Variants in DAB2IP observed in about 807,000 individuals in gnomAD.
DAB2IP encodes the protein disabled homolog 2-interacting protein.
DAB2IP carries 28 observed loss-of-function variants against 107.2 expected under a neutral mutation model. The observed-to-expected ratio is 0.26, with a 90% confidence interval of 0.19 to 0.36. The LOEUF is 0.36. Among genes scored for constraint, DAB2IP ranks in the 10% least tolerant of loss-of-function variants. The pLI, the probability that DAB2IP is intolerant of heterozygous loss-of-function variation, is 1.00. For missense variants in DAB2IP, 1,400 were observed against 1,644.7 expected (o/e 0.85, Z 2.57); for synonymous variants, 755 against 706.4 (o/e 1.07, Z -1.09).
At chr9:121,721,525 A>T (rs1177616845) in intron 3 of DAB2IP, among the ~76,000 whole-genome samples, 1 of 152,140 alleles carries the variant, frequency 6.6e-6, no homozygotes, top group African/African-American at 2.4e-5. Flanking sequence ...GTCCATCTGG[A>T]GAGTACATGT....
intron 1 of DAB2IP, among the ~76,000 whole-genome samples, chr9:121,657,112 C>T (rs1002798703): frequency 4.6e-5 from 7 of 152,204 alleles, no homozygotes; most frequent in African/African-American, 1.7e-4. Context: ...CCGGCCTGCC[C>T]CTGCCCCCTG....
At chr9:121,582,894 C>A (rs1327338869) in intron 1 of DAB2IP, among the ~76,000 whole-genome samples, 1 of 152,212 alleles carries the variant, frequency 6.6e-6, no homozygotes, top group Non-Finnish European at 1.5e-5. Flanking sequence ...CAATGGTGGC[C>A]ACAGTCACTG....
At chr9:121,732,379 C>T (rs1298685528) in intron 3 of DAB2IP, among the ~76,000 whole-genome samples, 2 of 152,100 alleles carry the variant, frequency 1.3e-5, no homozygotes, top group Non-Finnish European at 2.9e-5. Flanking sequence ...AGAAAAGGTT[C>T]CAGGATTCTC....
intron 1 of DAB2IP, among the ~76,000 whole-genome samples, chr9:121,627,945 C>T (rs1341386385): frequency 6.6e-6 from 1 of 152,212 alleles, no homozygotes; most frequent in Non-Finnish European, 1.5e-5. Context: ...GCCACCCCTC[C>T]GTGGGGGTTC....
At chr9:121,785,495 A>G (rs1045162266) in exon 16 of DAB2IP, 1 of 152,686 alleles carries the variant, frequency 6.5e-6, no homozygotes, top group African/African-American at 2.4e-5. Context: ...GTACATTTGC[A>G]ATTAGAAATA....
chr9:121,621,989 T>TC (rs1564116819), intron 1 of DAB2IP, among the ~76,000 whole-genome samples: 7 of 132,922 alleles, frequency 5.3e-5, no homozygotes, highest in African/African-American at 1.7e-4. Flanking sequence ...TCTTTCTTTT[T>TC]TTTTTTTTTT....
intron 2 of DAB2IP, among the ~76,000 whole-genome samples, chr9:121,690,911 A>G (rs1311376228): frequency 6.6e-6 from 1 of 151,984 alleles, no homozygotes; most frequent in East Asian, 1.9e-4. Context: ...CCGCTGTCCT[A>G]CCTCTACACC....
chr9:121,669,655 G>C lies in DAB2IP; in HGVS notation c.125-9023G>C, dbSNP rs1833595015. ...GAGGCTGGCATTGGGGGCTAAAGCTGTGACTGGTAAAGTAGCAGCAGTCAC... is the reference window on the plus strand; with the variant it reads ...GAGGCTGGCATTGGGGGCTAAAGCTCTGACTGGTAAAGTAGCAGCAGTCAC... On this transcript the variant is annotated intron_variant, in intron 1 of 15. Coordinates refer to ENST00000408936, the Ensembl canonical transcript of DAB2IP. Among the ~76,000 whole-genome samples the C allele has an allele frequency of 1.3e-5, 2 of 152,200 alleles. 1 individual carries two copies. The highest frequency in any genetic ancestry group is 4.1e-4 in the South Asian group (2 of 4,824).
intron 1 of DAB2IP, among the ~76,000 whole-genome samples, chr9:121,585,229 C>A (rs1478990256): frequency 2.6e-5 from 4 of 152,154 alleles, no homozygotes; most frequent in African/African-American, 9.7e-5. Flanking sequence ...GGCGAGGGGT[C>A]AATGAGAGCA....
intron 3 of DAB2IP, among the ~76,000 whole-genome samples, chr9:121,743,617 C>T (rs1241773613): frequency 6.6e-6 from 1 of 152,108 alleles, no homozygotes; most frequent in Non-Finnish European, 1.5e-5. Flanking sequence ...GGGATCAGGG[C>T]GGGGCTAGGC....
intron 1 of DAB2IP, among the ~76,000 whole-genome samples, chr9:121,606,781 T>G (rs994878307): frequency 1.3e-5 from 2 of 151,748 alleles, no homozygotes; most frequent in African/African-American, 2.4e-5. Flanking sequence ...TTTTTGTTTT[T>G]TTTTTTTTCT....
At chr9:121,656,398 T>G (rs10985346) in intron 1 of DAB2IP, among the ~76,000 whole-genome samples, 1 of 152,082 alleles carries the variant, frequency 6.6e-6, no homozygotes, top group Non-Finnish European at 1.5e-5. Flanking sequence ...AGCCCTGAGG[T>G]GGGGGGGTTT....
chr9:121,569,957 T>C (rs1199741009), intron 1 of DAB2IP, among the ~76,000 whole-genome samples: 7 of 139,182 alleles, frequency 5.0e-5, no homozygotes, highest in Admixed American at 6.9e-5. Context: ...ACCTCACTAA[T>C]TAAAATTTTT....
In DAB2IP at chr9:121,651,954, C is replaced by A. The variant is rs1018593970; in HGVS notation, c.124+55C>A. ...GACCCTCCTAAGGCCACTAAGCCAC[C>A]TGATGCCCTGGGATGCTAGGGACCG... is the stretch of plus-strand genomic sequence containing the variant. On this transcript the variant is annotated intron_variant, in intron 1 of 15. Coordinates refer to ENST00000408936, the Ensembl canonical transcript of DAB2IP. This position sits in a 1 kb window ranked among gnomAD's most constrained non-coding sequence, Gnocchi z 5.1. 8.1e-7 allele frequency: 1 copy of A among 1,237,072 alleles called. No homozygotes were observed. The highest frequency in any genetic ancestry group is 1.0e-6 in the Non-Finnish European group (1 of 981,800). The allele number at this position is 1,237,072 out of a possible 1,614,324, so 76.6% of individuals were successfully genotyped here. A position where few individuals can be genotyped will look rare whatever the true frequency, so the allele number is the denominator to read the frequency against.
chr9:121,769,576 A>AGG (rs1280089263), intron 10 of DAB2IP, among the ~76,000 whole-genome samples: 2 of 152,132 alleles, frequency 1.3e-5, no homozygotes, highest in Non-Finnish European at 2.9e-5. Flanking sequence ...ATGGACACTT[A>AGG]GGTTAGTCCT....
chr9:121,729,859 G>A (rs1202578866), intron 3 of DAB2IP, among the ~76,000 whole-genome samples: 2 of 152,160 alleles, frequency 1.3e-5, no homozygotes, highest in African/African-American at 4.8e-5. Context: ...GCTTCAGTGG[G>A]CCTATATTCC....
At chr9:121,609,518 C>G (rs1205972964) in intron 1 of DAB2IP, among the ~76,000 whole-genome samples, 1 of 152,218 alleles carries the variant, frequency 6.6e-6, no homozygotes, top group African/African-American at 2.4e-5. Context: ...CTGATTGTTC[C>G]AGCAACACTG....
upstream of DAB2IP, among the ~76,000 whole-genome samples, chr9:121,648,280 A>G (rs1203056977): frequency 1.3e-5 from 2 of 152,300 alleles, no homozygotes; most frequent in East Asian, 3.9e-4. Context: ...AAAAAATAAA[A>G]AACTGAGGGG....
Position 121,736,621 on chromosome 9 carries a change from C to G in DAB2IP, c.363-20392C>G, listed in dbSNP as rs1018378194. 2.3e-4 allele frequency among the ~76,000 whole-genome samples: 35 copies of G among 152,150 alleles called. No homozygotes were observed. The highest frequency in any genetic ancestry group is 4.7e-4 in the Non-Finnish European group (32 of 68,004). On this transcript the variant is annotated intron_variant, in intron 3 of 15. Coordinates refer to ENST00000408936, the Ensembl canonical transcript of DAB2IP. The surrounding 1 kb of genome is among the most constrained non-coding windows in gnomAD (Gnocchi z 4.6). The stretch of plus-strand genomic sequence containing the variant: ...GGGCTGGAGAGGGTTTGGGGCGTGG[C>G]GCAGCCCGACGTTAGTCCGGAATGC...
Sources: gnomAD v4.1 joint callset for allele counts (sites outside exome capture counted in the v4.1 genomes callset) on GRCh38, gnomAD v4.1.1 for gene constraint, Gnocchi (gnomAD v3.1) non-coding constraint, MANE v1.5 for transcripts, NCBI Gene and HGNC (gene_info 2026-07-23, HGNC 2026-07-21) for gene names.